Variants in WDR83 observed in about 807,000 individuals in gnomAD.
WDR83 encodes WD repeat domain-containing protein 83.
WDR83 carries 37 observed loss-of-function variants against 37.7 expected under a neutral mutation model. The ratio of observed to expected loss-of-function variants is 0.98; its 90% CI spans 0.76 to 1.29. The LOEUF is 1.29. WDR83 is among the 50% of genes most tolerant of loss of function. WDR83 has a pLI of 0.00. For missense variants in WDR83, 445 were observed against 414.4 expected (o/e 1.07, Z -0.64); for synonymous variants, 174 against 181.1 (o/e 0.96, Z 0.31).
rs772787838 is a variant in WDR83, at chr19:12,673,102, G to A, written c.669G>A (p.Gly223=). 3 of 1,612,956 alleles carry A rather than the reference G, an allele frequency of 1.9e-6. No individual in the cohort carries two copies. The highest frequency in any genetic ancestry group is 2.5e-6 in the Non-Finnish European group (3 of 1,179,178). The change falls in exon 9 of 11, where the codon GGG becomes GGA. Residue 223 remains glycine (G), a synonymous_variant. Transcript: ENST00000418543. ...STLRLLDKDT[G]ELLGEYKGHK... ...TGCGGCTCCTGGACAAAGACACAGG[G>A]GAGCTGCTGGGCGAGTGAGTCCTTG...
chr19:12,669,919 G>T (rs1345857613), intron 3 of WDR83, 26 bp downstream of exon 3: 2 of 1,601,628 alleles, frequency 1.2e-6, no homozygotes, highest in Non-Finnish European at 8.5e-7. Context: ...TTCATTCCGG[G>T]TCCTCCTCCC....
chr19:12,669,672 G>T, intron 2 of WDR83, 83 bp from the exon 3 acceptor site: 1 of 1,149,072 alleles, frequency 8.7e-7, no homozygotes, highest in Non-Finnish European at 1.2e-6. Context: ...ACCCGGAAGT[G>T]ATAAACAGGA....
chr19:12,667,813 C>T (rs1407896546), intron 1 of WDR83, among the ~76,000 whole-genome samples: 1 of 151,724 alleles, frequency 6.6e-6, no homozygotes, highest in Non-Finnish European at 1.5e-5. Context: ...CAGATCAAGA[C>T]CATTTTCTTT....
chr19:12,667,349 T>G (rs115068687), intron 1 of WDR83, among the ~76,000 whole-genome samples: 3,419 of 152,282 alleles, frequency 0.022, 141 homozygotes, highest in African/African-American at 0.078. Flanking sequence ...GCGCAGTGGC[T>G]CAAGCCTGCA....
At position 12,667,008 on chromosome 19, in the gene WDR83, C is replaced by G. The variant is rs919788317; in HGVS notation, c.-157+16C>G. On this transcript the variant is annotated intron_variant, in intron 1 of 10. Coordinates refer to ENST00000418543, the MANE Select transcript of WDR83 (RefSeq NM_001099737.3). ...CTTAATGCCGGTAGGAGCAGAAGTG[C>G]TTTTCCTAAGGGGGCCGGGTTTTCC... 2.1e-6 allele frequency: 1 copy of G among 478,640 alleles called. No individual in the cohort carries two copies. The highest frequency in any genetic ancestry group is 3.7e-5 in the Admixed American group (1 of 26,872). The allele number at this position is 478,640 out of a possible 1,614,324, so 29.6% of individuals were successfully genotyped here.
At chr19:12,667,415 G>C (rs1175005340) in intron 1 of WDR83, among the ~76,000 whole-genome samples, 3 of 152,218 alleles carry the variant, frequency 2.0e-5, no homozygotes, top group African/African-American at 7.2e-5. Context: ...GGGAGTTTGA[G>C]ACCAGCCTGG....
Position 12,672,847 on chromosome 19 carries a change from C to A in WDR83, c.507C>A (p.Gly169=). 6.3e-7 allele frequency: 1 copy of A among 1,580,164 alleles called. No homozygotes were observed. The highest frequency in any genetic ancestry group is 8.6e-7 in the Non-Finnish European group (1 of 1,162,988). ...VKVSDHEILA[G]SVDGRVRRYD... is the part of the protein sequence containing the mutation. ...CCGCTGGATCTACCCTCTCCTGCAG[C>A]TCCGTGGATGGCCGCGTGAGACGCT... Residue 169 remains glycine, a splice_region_variant and synonymous_variant, in exon 8 of 11, where the codon GGC becomes GGA. Coordinates refer to ENST00000418543, the MANE Select transcript of WDR83 (RefSeq NM_001099737.3).
At chr19:12,668,342 A>C (rs1250778464) in intron 1 of WDR83, 166 bp from the exon 2 acceptor site, 16 of 1,606,274 alleles carry the variant, frequency 1.0e-5, no homozygotes, top group African/African-American at 1.3e-5. Context: ...CCAAAATGTG[A>C]CCCTTCTAGG....
At position 12,675,643 on chromosome 19, in the gene WDR83, G is replaced by A. The variant is rs1210397288; in HGVS notation, c.919G>A (p.Ala307Thr). 2 of 1,601,792 alleles carry A rather than the reference G, an allele frequency of 1.2e-6. No individual in the cohort carries two copies. The highest frequency in any genetic ancestry group is 3.3e-4 in the Middle Eastern group (2 of 6,060). The change falls in exon 11 of 11, where the codon GCC (alanine) becomes ACC (threonine). Residue 307 changes from alanine (A) to threonine (T), a missense_variant. By Grantham distance (58) the Ala-to-Thr change is moderately conservative. Coordinates refer to ENST00000418543, the MANE Select transcript of WDR83 (RefSeq NM_001099737.3). ...CAGCGTCCAGTGCTGGCGAGAGGAG[G>A]CCTATGAGGCAGAGGATGGAGCAGG... The part of the protein sequence containing the change: ...GGSVQCWREE[A>T]YEAEDGAG
chr19:12,672,702 C>G, intron 7 of WDR83, 145 bp from the exon 8 acceptor site: 1 of 800,422 alleles, frequency 1.2e-6, no homozygotes, highest in Non-Finnish European at 2.1e-6. Flanking sequence ...CGTAATTGGC[C>G]CTGGGCCTGA....
At position 12,673,111 on chromosome 19, in the gene WDR83, G is replaced by A. The variant is rs2024471320; in HGVS notation, c.678G>A (p.Leu226=). 3.1e-6 allele frequency: 5 copies of A among 1,612,584 alleles called. No homozygotes were observed. Among genetic ancestry groups the A allele is most frequent in the African/African-American group, 2.7e-5 (2 of 74,878 alleles). The change falls in exon 9 of 11, where the codon CTG becomes CTA. Residue 226 remains leucine, a synonymous_variant. Transcript: ENST00000418543. ...RLLDKDTGEL[L]GEYKGHKNQE... is the part of the protein sequence containing the mutation. ...TGGACAAAGACACAGGGGAGCTGCT[G>A]GGCGAGTGAGTCCTTGTGGTCGTGG...
rs890476815 is a variant in WDR83, at chr19:12,671,721, C to T, written c.506+900C>T. On this transcript the variant is annotated intron_variant, in intron 7 of 10. Transcript: ENST00000418543. ...GGAAGAATTTTTGTTTTTTTTGAGA[C>T]GCAGTCTCGCTCTGTTGCCAGGCTG... is the stretch of plus-strand genomic sequence containing the variant. Among the ~76,000 whole-genome samples the T allele has an allele frequency of 1.1e-4, 16 of 152,210 alleles. No homozygotes were observed. The East Asian group carries it at 2.1e-3, about 20-fold the overall frequency.
At chr19:12,669,022 G>T in intron 2 of WDR83, 2 of 1,199,534 alleles carry the variant, frequency 1.7e-6, no homozygotes, top group Non-Finnish European at 2.4e-6. Flanking sequence ...GCCGATCTCA[G>T]GTCCCGCCCC....
At chr19:12,668,803 T>C (rs911987235) in intron 2 of WDR83, among the ~76,000 whole-genome samples, 176 bp downstream of exon 2, 2 of 152,202 alleles carry the variant, frequency 1.3e-5, no homozygotes, top group African/African-American at 4.8e-5. Context: ...CTAGTCCTAC[T>C]GTCTGGCCTG....
In WDR83 at chr19:12,670,715, C is replaced by G. The variant is rs534072360; in HGVS notation, c.400C>G (p.Arg134Gly). Residue 134 changes from arginine to glycine, a missense_variant, in exon 7 of 11, where the codon CGC becomes GGC. Coordinates refer to ENST00000418543, the MANE Select transcript of WDR83 (RefSeq NM_001099737.3). ...ILSGSIDSSI[R>G]CWDCRSRRPE... The stretch of plus-strand genomic sequence containing the variant: ...CACAGGCTCTATTGATTCCAGTATC[C>G]GCTGTTGGGATTGCCGCTCACGGAG... 1.1e-4 allele frequency: 172 copies of G among 1,614,176 alleles called. 1 individual carries two copies. In the South Asian group the frequency reaches 1.7e-3, roughly 16 times the overall value.
intron 10 of WDR83, among the ~76,000 whole-genome samples, chr19:12,674,370 G>A (rs1182204058): frequency 6.6e-6 from 1 of 152,148 alleles, no homozygotes; most frequent in African/African-American, 2.4e-5. Flanking sequence ...GGTCAGAGCC[G>A]GGGGAATCTC....
In WDR83 at chr19:12,675,800, T is replaced by C. The variant is rs1381295124; in HGVS notation, c.*128T>C. On this transcript the variant is annotated 3_prime_UTR_variant, in exon 11 of 11. Transcript: ENST00000418543. Reference sequence around the variant, plus strand: ...GGGGCTGGGTCTGCAAATTAATAAATAGAAGAGGGGGTAAGACCTTCCTGG... The same window carrying C: ...GGGGCTGGGTCTGCAAATTAATAAACAGAAGAGGGGGTAAGACCTTCCTGG... 13 of 1,569,846 alleles carry C rather than the reference T, an allele frequency of 8.3e-6. No homozygotes were observed. The South Asian group carries it at 1.4e-4, about 17-fold the overall frequency.
At position 12,669,849 on chromosome 19, in the gene WDR83, C is replaced by T. The variant is rs765384362; in HGVS notation, c.59C>T (p.Thr20Met). 28 of 1,612,054 alleles carry T rather than the reference C, an allele frequency of 1.7e-5. No homozygotes were observed. The East Asian group carries it at 5.6e-4, about 32-fold the overall frequency. The change falls in exon 3 of 11, where the codon ACG becomes ATG. Residue 20 changes from threonine (T) to methionine (M), a missense_variant. Transcript: ENST00000418543. ...PPELPQKRLK[T>M]LDCGQGAVRA... ...GAGCTGCCGCAGAAACGGTTGAAGA[C>T]GCTGGACTGCGGGCAGGGGGCAGTG...
intron 1 of WDR83, among the ~76,000 whole-genome samples, chr19:12,667,430 C>T (rs546151761): frequency 3.3e-5 from 5 of 152,290 alleles, no homozygotes; most frequent in Non-Finnish European, 7.4e-5. Context: ...GCCTGGGCAA[C>T]ATGGGTTGTT....
Sources: allele counts gnomAD v4.1 joint callset (sites outside exome capture counted in the v4.1 genomes callset), GRCh38; gene constraint gnomAD v4.1.1; transcripts MANE v1.5; gene names NCBI Gene and HGNC (gene_info 2026-07-23, HGNC 2026-07-21).